The following PEX26 variants were observed in gnomAD, a reference collection of about 807,000 sequenced individuals.
The protein encoded by PEX26 is peroxisome assembly protein 26.
In PEX26, 18 loss-of-function variants were observed where a neutral mutation model predicts 31.4. The ratio of observed to expected loss-of-function variants is 0.57; its 90% CI spans 0.40 to 0.85. The LOEUF is 0.85. Among genes scored for constraint, PEX26 ranks in the 40% least tolerant of loss-of-function variants. The probability of loss-of-function intolerance (pLI) is 0.00; values close to 1 mark genes in which losing one functional copy is unlikely to be tolerated. For synonymous variants in PEX26, 176 were observed against 166.9 expected (o/e 1.05, Z -0.42); for missense variants, 377 against 383.9 (o/e 0.98, Z 0.15).
At chr22:18,085,661 G>A (rs1184339235) in intron 4 of PEX26, among the ~76,000 whole-genome samples, 2 of 151,884 alleles carry the variant, frequency 1.3e-5, no homozygotes, top group Non-Finnish European at 2.9e-5. Context: ...ACAAGGTCAG[G>A]AAATCGAGAC....
In PEX26 at chr22:18,090,149, A is replaced by G. The variant is rs1927031009; in HGVS notation, c.*2074A>G. 2 of 152,184 alleles carry G rather than the reference A, an allele frequency of 1.3e-5. No homozygotes were observed. Among genetic ancestry groups the G allele is most frequent in the African/African-American group, 2.4e-5 (1 of 41,428 alleles). The allele number at this position is 152,184 out of a possible 1,614,324, so 9.4% of individuals were successfully genotyped here. A position where few individuals can be genotyped will look rare whatever the true frequency, so the allele number is the denominator to read the frequency against. Reference sequence around the variant, plus strand: ...TAAAGCTTAGAACCCTGGGGGGAGAAAAGCAGTCAGGTGAGGTTTGAGATT... The same window carrying G: ...TAAAGCTTAGAACCCTGGGGGGAGAGAAGCAGTCAGGTGAGGTTTGAGATT... On this transcript the variant is annotated 3_prime_UTR_variant, in exon 5 of 5. Transcript: ENST00000399744.
rs1399031561 is a variant in PEX26, at chr22:18,096,631, G to T, written c.*8556G>T. On this transcript the variant is annotated 3_prime_UTR_variant, in exon 5 of 5. Transcript: ENST00000399744. ...GATGGGGTTTCACCGTGTTAGCCAG[G>T]ATGGTCTCGATCTCCTGACCTTGTG... The T allele has an allele frequency of 6.6e-6, 1 of 151,920 alleles. No individual in the cohort carries two copies. Among genetic ancestry groups the T allele is most frequent in the Non-Finnish European group, 1.5e-5 (1 of 67,992 alleles). The allele number at this position is 151,920 out of a possible 1,614,324, so 9.4% of individuals were successfully genotyped here. A position where few individuals can be genotyped will look rare whatever the true frequency, so the allele number is the denominator to read the frequency against.
chr22:18,078,857 T>C (rs992679696), intron 1 of PEX26: 1 of 674,624 alleles, frequency 1.5e-6, no homozygotes, highest in African/African-American at 1.8e-5. Context: ...AATGACATGA[T>C]GGGAAGGCTG....
rs541748451 is a variant in PEX26, at chr22:18,087,623, G to A, written c.815-349G>A. On this transcript the variant is annotated intron_variant, in intron 4 of 4. Coordinates refer to ENST00000399744, the MANE Select transcript of PEX26 (RefSeq NM_001127649.3). ...TAAACCCTGGTCTCCTAGTGGGGAT[G>A]GCATGAGGACATTTGAGCCTGCTCT... Among the ~76,000 whole-genome samples, 7 of 152,330 alleles carry A rather than the reference G, an allele frequency of 4.6e-5. No individual in the cohort carries two copies. The East Asian group carries it at 1.4e-3, about 29-fold the overall frequency.
intron 4 of PEX26, among the ~76,000 whole-genome samples, chr22:18,085,463 T>C (rs1926804517): frequency 6.6e-6 from 1 of 152,190 alleles, no homozygotes; most frequent in East Asian, 1.9e-4. Flanking sequence ...CTGGAGTCTA[T>C]GAGAGCAGCC....
In PEX26 at chr22:18,099,901, A is replaced by T. The variant is rs114133311; in HGVS notation, c.*11826A>T. The T allele has an allele frequency of 9.1e-4, 138 of 152,328 alleles. No individual in the cohort carries two copies. The highest frequency in any genetic ancestry group is 3.2e-3 in the African/African-American group (131 of 41,564). The allele number at this position is 152,328 out of a possible 1,614,324, so 9.4% of individuals were successfully genotyped here. On this transcript the variant is annotated 3_prime_UTR_variant, in exon 5 of 5. Transcript: ENST00000399744. ...AATTTAAGAGCCACCCTAATCCAGG[A>T]TGATCTCATCTTGAGGTCCTCAATT...
intron 4 of PEX26, 134 bp from the exon 5 acceptor site, chr22:18,087,838 G>A (rs972912267): frequency 2.6e-6 from 2 of 762,624 alleles, no homozygotes; most frequent in African/African-American, 1.7e-5. Flanking sequence ...GTGACAGAGC[G>A]AGACCCTGTC....
Position 18,093,413 on chromosome 22 carries a change from A to G in PEX26, c.*5338A>G, listed in dbSNP as rs1024687082. On this transcript the variant is annotated 3_prime_UTR_variant, in exon 5 of 5. Coordinates refer to ENST00000399744, the MANE Select transcript of PEX26 (RefSeq NM_001127649.3). The stretch of plus-strand genomic sequence containing the variant: ...CATCTCTACTAAAAAAATACAAAAA[A>G]TTAGCCGGGCGTGGTGGCGGGTGCC... The G allele has an allele frequency of 1.3e-5, 2 of 151,826 alleles. No individual in the cohort carries two copies. Among genetic ancestry groups the G allele is most frequent in the African/African-American group, 2.4e-5 (1 of 41,278 alleles). 9.4% of individuals were successfully genotyped at this position (151,826 alleles called of 1,614,324 possible). A position where few individuals can be genotyped will look rare whatever the true frequency, so the allele number is the denominator to read the frequency against.
intron 1 of PEX26, 28 bp downstream of exon 1, chr22:18,078,634 A>G (rs745434048): frequency 5.9e-5 from 93 of 1,579,916 alleles, no homozygotes; most frequent in Middle Eastern, 3.3e-4. Context: ...AAATGAACCG[A>G]TTTCCGGGCG....
rs981132384 is a variant in PEX26, at chr22:18,078,339, C to A, written c.-38C>A. Reference sequence around the variant, plus strand: ...GGAGCCTCTGGGGAGGCGGTCACTCCGACGTCTGAGGACCTGGGCCTTGGA... The same window carrying A: ...GGAGCCTCTGGGGAGGCGGTCACTCAGACGTCTGAGGACCTGGGCCTTGGA... On this transcript the variant is annotated 5_prime_UTR_variant, in exon 1 of 5. Transcript: ENST00000399744. 1 of 1,475,072 alleles carries A rather than the reference C, an allele frequency of 6.8e-7. No homozygotes were observed. The allele number at this position is 1,475,072 out of a possible 1,614,324, so 91.4% of individuals were successfully genotyped here. A position where few individuals can be genotyped will look rare whatever the true frequency, so the allele number is the denominator to read the frequency against.
chr22:18,098,656 A>T lies in PEX26; in HGVS notation c.*10581A>T, dbSNP rs979487110. 6.8e-6 allele frequency: 1 copy of T among 147,430 alleles called. No individual in the cohort carries two copies. Among genetic ancestry groups the T allele is most frequent in the African/African-American group, 2.5e-5 (1 of 40,512 alleles). The allele number at this position is 147,430 out of a possible 1,614,324, so 9.1% of individuals were successfully genotyped here. A position where few individuals can be genotyped will look rare whatever the true frequency, so the allele number is the denominator to read the frequency against. ...CAAAAAAAAGAAAAAAGAAAAAAAA[A>T]TTACCTCCCTCATTTTCTTTATAAT... On this transcript the variant is annotated 3_prime_UTR_variant, in exon 5 of 5. Transcript: ENST00000399744.
chr22:18,080,019 G>A lies in PEX26; in HGVS notation c.371+5G>A. 1.9e-6 allele frequency: 3 copies of A among 1,614,078 alleles called. No individual in the cohort carries two copies. Among genetic ancestry groups the A allele is most frequent in the Non-Finnish European group, 2.5e-6 (3 of 1,179,994 alleles). Reference sequence around the variant, plus strand: ...CCCCAAAGTCCTGGAGCTGTGGTAAGTCTTCTTTGCTGACTCATCAGATCG... The same window carrying A: ...CCCCAAAGTCCTGGAGCTGTGGTAAATCTTCTTTGCTGACTCATCAGATCG... On this transcript the variant is annotated splice_donor_5th_base_variant and intron_variant, in intron 2 of 4. Coordinates refer to ENST00000399744, the MANE Select transcript of PEX26 (RefSeq NM_001127649.3).
At chr22:18,086,974 G>A (rs1193932641) in intron 4 of PEX26, among the ~76,000 whole-genome samples, 5 of 151,810 alleles carry the variant, frequency 3.3e-5, no homozygotes, top group East Asian at 1.9e-4. Context: ...GTGCACCGGC[G>A]TGATCTTGGC....
In PEX26 at chr22:18,099,322, G is replaced by A. The variant is rs763597706; in HGVS notation, c.*11247G>A. The A allele has an allele frequency of 2.9e-4, 44 of 152,190 alleles. No individual in the cohort carries two copies. The highest frequency in any genetic ancestry group is 5.7e-4 in the Non-Finnish European group (39 of 68,028). 9.4% of individuals were successfully genotyped at this position (152,190 alleles called of 1,614,324 possible). A position where few individuals can be genotyped will look rare whatever the true frequency, so the allele number is the denominator to read the frequency against. The stretch of plus-strand genomic sequence containing the variant: ...ATCAAATTGACCAGGGCAAAAAATA[G>A]CCTGGGGCCTAGCATGGCTCTGCTG... On this transcript the variant is annotated 3_prime_UTR_variant, in exon 5 of 5. Transcript: ENST00000399744.
At position 18,087,955 on chromosome 22, in the gene PEX26, C is replaced by G; in HGVS notation, c.815-17C>G. ...AGAGGGGTGGGACGTTCACTGTAGT[C>G]TCCCTCTGCCCTGCAGCTTCCCCTT... On this transcript the variant is annotated splice_polypyrimidine_tract_variant and intron_variant, in intron 4 of 4. Transcript: ENST00000399744. 6.5e-7 allele frequency: 1 copy of G among 1,544,906 alleles called. No individual in the cohort carries two copies. Among genetic ancestry groups the G allele is most frequent in the Non-Finnish European group, 9.0e-7 (1 of 1,117,172 alleles).
chr22:18,078,696 C>T, intron 1 of PEX26, 90 bp downstream of exon 1: 1 of 1,188,770 alleles, frequency 8.4e-7, no homozygotes, highest in Non-Finnish European at 1.2e-6. Flanking sequence ...CCAGATTGCC[C>T]ACAAGGAGCT....
rs1268063983 is a variant in PEX26 at position 18,099,041 on chromosome 22, T to C, written c.*10966T>C. 1 of 152,216 alleles carries C rather than the reference T, an allele frequency of 6.6e-6. No homozygotes were observed. The highest frequency in any genetic ancestry group is 1.5e-5 in the Non-Finnish European group (1 of 68,040). 9.4% of individuals were successfully genotyped at this position (152,216 alleles called of 1,614,324 possible). A position where few individuals can be genotyped will look rare whatever the true frequency, so the allele number is the denominator to read the frequency against. ...ACCAAAAAATGACATGCTGTCTGCC[T>C]TACCTTTTAGTGATGATTTGTAGGA... On this transcript the variant is annotated 3_prime_UTR_variant, in exon 5 of 5. Transcript: ENST00000399744.
Position 18,088,055 on chromosome 22 carries a change from C to T in PEX26, c.898C>T (p.Gln300Ter), listed in dbSNP as rs1404757656. The T allele has an allele frequency of 6.2e-7, 1 of 1,611,676 alleles. No homozygotes were observed. Among genetic ancestry groups the T allele is most frequent in the Non-Finnish European group, 8.5e-7 (1 of 1,178,474 alleles). ...GAAGGCTGCATTTTCTCGCCTCTAC[C>T]AGCTCCGCATCCGTGACTGAGGGTC... Reference protein sequence around the residue: ...IRKAAFSRLYQLRIRD With the variant: ...IRKAAFSRLY The change falls in exon 5 of 5, where the codon CAG (glutamine) becomes TAG (stop). Residue 300 changes from glutamine (Q) to a stop codon, truncating the protein, a stop_gained. Transcript: ENST00000399744. LOFTEE classifies it high-confidence loss of function. The surrounding 1 kb of genome is among the most constrained non-coding windows in gnomAD (Gnocchi z 4.1).
chr22:18,086,692 A>G (rs920688242), intron 4 of PEX26, among the ~76,000 whole-genome samples: 1 of 151,864 alleles, frequency 6.6e-6, no homozygotes, highest in Non-Finnish European at 1.5e-5. Flanking sequence ...TCTAATCTCT[A>G]CTCTTCTCAT....
Sources: gnomAD v4.1 joint callset for allele counts (sites outside exome capture counted in the v4.1 genomes callset) on GRCh38, gnomAD v4.1.1 for gene constraint, Gnocchi (gnomAD v3.1) non-coding constraint, MANE v1.5 for transcripts, NCBI Gene and HGNC (gene_info 2026-07-23, HGNC 2026-07-21) for gene names.